The following ANKRD36 variants were observed in gnomAD, a reference collection of about 807,000 sequenced individuals.
The protein encoded by ANKRD36 is ankyrin repeat domain-containing protein 36A.
In ANKRD36, 179 loss-of-function variants were observed where a neutral mutation model predicts 278.1. That is an observed-to-expected ratio of 0.64 (90% confidence interval 0.57 to 0.73). The LOEUF (loss-of-function observed/expected upper bound fraction) is 0.73. Ranked by LOEUF, ANKRD36 falls within the 30% of genes least tolerant of loss-of-function variation. ANKRD36 has a pLI of 0.00. For synonymous variants in ANKRD36, 320 were observed against 641.1 expected (o/e 0.50, Z 7.57); for missense variants, 1,159 against 1,956.7 (o/e 0.59, Z 7.69).
Position 97,158,624 on chromosome 2 carries a change from G to A in ANKRD36, c.1358G>A (p.Gly453Glu). 6.6e-7 allele frequency: 1 copy of A among 1,526,426 alleles called. No individual in the cohort carries two copies. The highest frequency in any genetic ancestry group is 1.2e-5 in the South Asian group (1 of 83,476). 94.6% of individuals were successfully genotyped at this position (1,526,426 alleles called of 1,614,324 possible). ...AACGIDKTENGNMFEDQNVDK... is the reference protein window; with the variant it reads ...AACGIDKTENENMFEDQNVDK... ...TGTGGCATTGACAAAACAGAAAATG[G>A]AAACATGTTTGAAGACCAAAATGTT... Residue 453 changes from glycine (G) to glutamate (E), a missense_variant, in exon 17 of 76, where the codon GGA (glycine) becomes GAA (glutamate). Gly to Glu is a moderately conservative substitution (Grantham distance 98). Transcript: ENST00000420699.
At chr2:97,133,916 G>A (rs1457938280) in intron 6 of ANKRD36, among the ~76,000 whole-genome samples, 2 of 151,026 alleles carry the variant, frequency 1.3e-5, no homozygotes, top group South Asian at 2.1e-4. Context: ...AGCTTACATT[G>A]TTGCATCATA....
chr2:97,159,606 T>A (rs2048333961), intron 17 of ANKRD36, among the ~76,000 whole-genome samples: 2 of 151,712 alleles, frequency 1.3e-5, no homozygotes, highest in South Asian at 4.2e-4. Context: ...TTGTTAAAAG[T>A]TTTTTAAAGT....
chr2:97,129,921 T>C (rs552968620), intron 6 of ANKRD36, among the ~76,000 whole-genome samples: 4 of 152,196 alleles, frequency 2.6e-5, no homozygotes, highest in African/African-American at 9.6e-5. Context: ...TCCAGCTTTA[T>C]TCTTTTGGCT....
intron 22 of ANKRD36, among the ~76,000 whole-genome samples, chr2:97,174,168 T>C (rs2053538156): frequency 6.6e-6 from 1 of 151,712 alleles, no homozygotes; most frequent in Non-Finnish European, 1.5e-5. Flanking sequence ...TTGATGTGTA[T>C]GTTTTTGCAA....
intron 50 of ANKRD36, among the ~76,000 whole-genome samples, chr2:97,205,019 G>A (rs1277413590): frequency 1.3e-5 from 2 of 151,436 alleles, no homozygotes; most frequent in Non-Finnish European, 3.0e-5. Flanking sequence ...TGTTCAAGGA[G>A]CTACCTCTTG....
intron 6 of ANKRD36, among the ~76,000 whole-genome samples, chr2:97,139,960 C>A (rs1182231038): frequency 6.6e-6 from 1 of 151,736 alleles, no homozygotes; most frequent in African/African-American, 2.4e-5. Flanking sequence ...GACAAATAGG[C>A]CCTTGAAGAA....
At chr2:97,222,004 C>T (rs1454552904) in intron 66 of ANKRD36, among the ~76,000 whole-genome samples, 3 of 149,878 alleles carry the variant, frequency 2.0e-5, no homozygotes, top group African/African-American at 7.4e-5. Context: ...TATGGCTAGC[C>T]AGTTTTCCCA....
chr2:97,196,359 A>G (rs2059760539), intron 40 of ANKRD36, among the ~76,000 whole-genome samples: 1 of 151,944 alleles, frequency 6.6e-6, no homozygotes, highest in Non-Finnish European at 1.5e-5. Context: ...TTAGTTTTCG[A>G]CACATGAGAA....
At chr2:97,212,555 T>C (rs1387027311) in intron 58 of ANKRD36, among the ~76,000 whole-genome samples, 1 of 151,940 alleles carries the variant, frequency 6.6e-6, no homozygotes, top group Non-Finnish European at 1.5e-5. Context: ...GAGAATAGCA[T>C]GATACTCCAA....
At chr2:97,212,919 AGAGACG>A in intron 58 of ANKRD36, 1 of 255,666 alleles carries the variant, frequency 3.9e-6, no homozygotes, top group Non-Finnish European at 7.3e-6. Context: ...CTTCCACTGA[AGAGACG>A]TGAAGTGTAC....
intron 68 of ANKRD36, among the ~76,000 whole-genome samples, chr2:97,237,923 C>G (rs892780026): frequency 6.6e-6 from 1 of 151,202 alleles, no homozygotes; most frequent in Non-Finnish European, 1.5e-5. Flanking sequence ...TGTAGAATCA[C>G]CAGCATAGCC....
At chr2:97,172,197 T>A (rs1449456220) in intron 22 of ANKRD36, among the ~76,000 whole-genome samples, 1 of 151,760 alleles carries the variant, frequency 6.6e-6, no homozygotes, top group Admixed American at 6.6e-5. Flanking sequence ...ATAGATAACA[T>A]GTAGGACTTG....
intron 6 of ANKRD36, among the ~76,000 whole-genome samples, chr2:97,127,520 A>G (rs1463908713): frequency 6.6e-6 from 1 of 151,942 alleles, no homozygotes; most frequent in Non-Finnish European, 1.5e-5. Flanking sequence ...AAATGAATCA[A>G]TAATTACAGT....
In ANKRD36 at chr2:97,113,653, G is replaced by A; in HGVS notation, c.-87G>A. ...CTGTGCGGAGGTCCGTGGACAGACT[G>A]CTTTGCTCGTTGTTGCTCTTCGGAG... On this transcript the variant is annotated 5_prime_UTR_variant, in exon 1 of 76. Coordinates refer to ENST00000420699, the MANE Select transcript of ANKRD36 (RefSeq NM_001354587.1). 1.3e-6 allele frequency: 2 copies of A among 1,572,746 alleles called. No individual in the cohort carries two copies. The highest frequency in any genetic ancestry group is 1.7e-6 in the Non-Finnish European group (2 of 1,151,212).
chr2:97,192,982 C>T lies in ANKRD36; in HGVS notation c.2378C>T (p.Ala793Val), dbSNP rs561407540. The change falls in exon 38 of 76, where the codon GCT (alanine) becomes GTT (valine). Residue 793 changes from alanine to valine, a missense_variant and splice_region_variant. Physicochemically the swap from Ala to Val is moderately conservative, Grantham distance 64 (BLOSUM62 0). Transcript: ENST00000420699. ...TATTTCATTTGAAATTCCATTCAGG[C>T]TACAAGTGACGAGGAAGGTTCTGTT... ...VSSQKPPALT[A>V]TSDEEGSVLS... 3.2e-5 allele frequency: 50 copies of T among 1,582,340 alleles called. 1 individual carries two copies. In the African/African-American group the frequency reaches 4.2e-4, roughly 13 times the overall value.
intron 67 of ANKRD36, among the ~76,000 whole-genome samples, chr2:97,227,813 A>C (rs1411416945): frequency 6.6e-6 from 1 of 152,104 alleles, no homozygotes; most frequent in Non-Finnish European, 1.5e-5. Flanking sequence ...ACGTCCCATC[A>C]ATACCTAATT....
chr2:97,221,212 A>C (rs2067557658), intron 66 of ANKRD36, among the ~76,000 whole-genome samples: 1 of 126,180 alleles, frequency 7.9e-6, no homozygotes, highest in South Asian at 2.7e-4. Flanking sequence ...AGTCTTTGCT[A>C]TTGTGAATAG....
intron 34 of ANKRD36, 21 bp from the exon 35 acceptor site, chr2:97,190,957 G>A (rs773744436): frequency 3.7e-6 from 6 of 1,602,566 alleles, no homozygotes; most frequent in African/African-American, 1.3e-5. Flanking sequence ...GAGTGATTAT[G>A]TATCCCTTTT....
intron 48 of ANKRD36, among the ~76,000 whole-genome samples, chr2:97,203,468 C>G (rs555979224): frequency 1.5e-4 from 23 of 151,920 alleles, no homozygotes; most frequent in African/African-American, 5.1e-4. Flanking sequence ...GAAACTTAGG[C>G]AGATTATTAC....
Sources: gnomAD v4.1 joint callset for allele counts (sites outside exome capture counted in the v4.1 genomes callset) on GRCh38, gnomAD v4.1.1 for gene constraint, MANE v1.5 for transcripts, NCBI Gene and HGNC (gene_info 2026-07-23, HGNC 2026-07-21) for gene names.